The following GALM variants were observed in gnomAD, a reference collection of about 807,000 sequenced individuals.
GALM encodes the protein galactose mutarotase.
Under a neutral mutation model 37.4 loss-of-function variants are expected in GALM, and 43 were observed. The ratio of observed to expected loss-of-function variants is 1.15; its 90% CI spans 0.90 to 1.48. GALM has a LOEUF of 1.48. GALM is among the 40% of genes most tolerant of loss of function. The pLI, the probability that GALM is intolerant of heterozygous loss-of-function variation, is 0.00. For missense variants in GALM, 456 were observed against 419.1 expected (o/e 1.09, Z -0.77); for synonymous variants, 199 against 170.6 (o/e 1.17, Z -1.30).
At chr2:38,672,706 G>A (rs191495793) in intron 1 of GALM, among the ~76,000 whole-genome samples, 2 of 152,204 alleles carry the variant, frequency 1.3e-5, no homozygotes, top group East Asian at 3.9e-4. Flanking sequence ...TCATAGAAAC[G>A]TTCTGAGTAT....
chr2:38,677,993 A>C, intron 2 of GALM, among the ~76,000 whole-genome samples: 1 of 148,332 alleles, frequency 6.7e-6, no homozygotes, highest in South Asian at 2.2e-4. Flanking sequence ...TGGCCCTGAG[A>C]GGGGTGGGGA....
At chr2:38,711,783 C>A (rs199974813) in intron 4 of GALM, among the ~76,000 whole-genome samples, 36 of 62,536 alleles carry the variant, frequency 5.8e-4, no homozygotes, top group South Asian at 1.7e-3. Flanking sequence ...CCATCACTGT[C>A]ACCACCATCA....
rs377121126 is a variant in GALM, at chr2:38,731,787, G to A, written c.829G>A (p.Gly277Arg). Residue 277 changes from glycine to arginine, a missense_variant, in exon 6 of 7, where the codon GGG becomes AGG. Physicochemically the swap from Gly to Arg is moderately radical, Grantham distance 125. Coordinates refer to ENST00000272252, the MANE Select transcript of GALM (RefSeq NM_138801.3). ...RVLEVYTTQP[G>R]VQFYTGNFLD... ...ACTAGAAGTATACACCACCCAGCCC[G>A]GGGTCCAGTTTTACACGGGCAACTT... 16 of 1,613,874 alleles carry A rather than the reference G, an allele frequency of 9.9e-6. No homozygotes were observed. Among genetic ancestry groups the A allele is most frequent in the African/African-American group, 2.7e-5 (2 of 74,888 alleles).
At chr2:38,697,056 C>G (rs190882902) in intron 4 of GALM, among the ~76,000 whole-genome samples, 1 of 152,100 alleles carries the variant, frequency 6.6e-6, no homozygotes, top group Non-Finnish European at 1.5e-5. Flanking sequence ...TCCCAAAGTG[C>G]TGGGATTATG....
chr2:38,691,561 G>A (rs1665671835), intron 4 of GALM, among the ~76,000 whole-genome samples: 1 of 151,796 alleles, frequency 6.6e-6, no homozygotes, highest in South Asian at 2.1e-4. Context: ...ACACGCACCT[G>A]GGGTCCCAGC....
chr2:38,688,211 CAA>C (rs767245322), intron 3 of GALM, among the ~76,000 whole-genome samples: 6 of 124,614 alleles, frequency 4.8e-5, no homozygotes, highest in Non-Finnish European at 5.1e-5. Flanking sequence ...GACTCCGTCT[CAA>C]AAAAAAAAAA....
intron 3 of GALM, among the ~76,000 whole-genome samples, chr2:38,683,448 T>C (rs1665446190): frequency 6.6e-6 from 1 of 152,214 alleles, no homozygotes; most frequent in Non-Finnish European, 1.5e-5. Context: ...TTATATATAC[T>C]TATTTGTTCA....
At chr2:38,673,872 A>T (rs1186952079) in intron 1 of GALM, among the ~76,000 whole-genome samples, 1 of 152,052 alleles carries the variant, frequency 6.6e-6, no homozygotes, top group Non-Finnish European at 1.5e-5. Flanking sequence ...ATGTCATGAC[A>T]TGGAGCAATC....
intron 4 of GALM, among the ~76,000 whole-genome samples, chr2:38,710,274 G>A (rs1488810463): frequency 1.3e-5 from 2 of 152,196 alleles, no homozygotes; most frequent in African/African-American, 4.8e-5. Flanking sequence ...CACACTTGGA[G>A]GAGCTATTTA....
In GALM at chr2:38,731,861, C is replaced by T; in HGVS notation, c.903C>T (p.His301=). ...KGKNGAVYPK[H]SGFCLETQNW... is the part of the protein sequence containing the mutation. ...AGAATGGAGCTGTCTATCCCAAGCACTCCGGTTTCTGCCTGGAGACTCAGA... is the reference window on the plus strand; with the variant it reads ...AGAATGGAGCTGTCTATCCCAAGCATTCCGGTTTCTGCCTGGAGACTCAGA... Residue 301 remains histidine, a synonymous_variant, in exon 6 of 7, where the codon CAC becomes CAT. Transcript: ENST00000272252. 3 of 1,614,182 alleles carry T rather than the reference C, an allele frequency of 1.9e-6. No individual in the cohort carries two copies. The highest frequency in any genetic ancestry group is 2.5e-6 in the Non-Finnish European group (3 of 1,180,022).
In GALM at chr2:38,733,624, G is replaced by A. The variant is rs567379441; in HGVS notation, c.*59G>A. On this transcript the variant is annotated 3_prime_UTR_variant, in exon 7 of 7. Transcript: ENST00000272252. ...GGCTCAGCCACCTGTCTCCTGTCCAGAAAAAAGGTGAAGATTAAGAAGCTT... is the reference window on the plus strand; with the variant it reads ...GGCTCAGCCACCTGTCTCCTGTCCAAAAAAAAGGTGAAGATTAAGAAGCTT... The A allele has an allele frequency of 5.9e-6, 7 of 1,191,596 alleles. No individual in the cohort carries two copies. The African/African-American group carries it at 1.1e-4, about 18-fold the overall frequency. 73.8% of individuals were successfully genotyped at this position (1,191,596 alleles called of 1,614,324 possible).
intron 4 of GALM, among the ~76,000 whole-genome samples, chr2:38,706,057 G>A (rs1262377165): frequency 2.0e-5 from 3 of 151,740 alleles, no homozygotes; most frequent in Non-Finnish European, 4.4e-5. Context: ...CCAAGCTGGA[G>A]TGCAGTGACA....
chr2:38,710,982 G>C (rs1666140174), intron 4 of GALM, among the ~76,000 whole-genome samples: 1 of 151,820 alleles, frequency 6.6e-6, no homozygotes, highest in Non-Finnish European at 1.5e-5. Flanking sequence ...TTGAACTTCT[G>C]ACTTTAGGCG....
chr2:38,669,228 G>T lies in GALM; in HGVS notation c.190+2877G>T, dbSNP rs535210997. The T allele has an allele frequency of 2.0e-5, 3 of 152,348 alleles. No homozygotes were observed. In the East Asian group the frequency reaches 5.8e-4, roughly 29 times the overall value. 9.4% of individuals were successfully genotyped at this position (152,348 alleles called of 1,614,324 possible). A position where few individuals can be genotyped will look rare whatever the true frequency, so the allele number is the denominator to read the frequency against. On this transcript the variant is annotated intron_variant, in intron 1 of 6. Transcript: ENST00000272252. ...AGCCCGGCACTACGCCATGGGCCTG[G>T]TAGTTAAAGATCGACCCCTGACCTA...
chr2:38,689,832 A>G lies in GALM; in HGVS notation c.572A>G (p.Asp191Gly). The G allele has an allele frequency of 1.2e-6, 2 of 1,608,108 alleles. No individual in the cohort carries two copies. Among genetic ancestry groups the G allele is most frequent in the Non-Finnish European group, 8.5e-7 (1 of 1,175,442 alleles). The change falls in exon 4 of 7, where the codon GAC (aspartate) becomes GGC (glycine). Residue 191 changes from aspartate (D) to glycine (G), a missense_variant. Coordinates refer to ENST00000272252, the MANE Select transcript of GALM (RefSeq NM_138801.3). ...LAGQASPNIN[D>G]HEVTIEADTY... The stretch of plus-strand genomic sequence containing the variant: ...TCCCAGGCTTCCCCAAATATAAATG[A>G]CCATGAAGTCACCATAGAAGCGGAT...
At chr2:38,719,740 C>T (rs192846104) in intron 4 of GALM, among the ~76,000 whole-genome samples, 2 of 149,944 alleles carry the variant, frequency 1.3e-5, no homozygotes, top group East Asian at 4.0e-4. Flanking sequence ...CGCCATTGCA[C>T]TCCAGCCTGG....
At chr2:38,681,537 G>C in intron 3 of GALM, 51 bp downstream of exon 3, 1 of 1,461,554 alleles carries the variant, frequency 6.8e-7, no homozygotes, top group Non-Finnish European at 9.6e-7. Flanking sequence ...GGAATGTCCT[G>C]GGCTGTGGCT....
intron 4 of GALM, chr2:38,698,306 C>A: frequency 3.6e-6 from 3 of 825,390 alleles, no homozygotes; most frequent in Non-Finnish European, 5.4e-6. Flanking sequence ...TAGGAGTCAG[C>A]AGTGGTGTAT....
chr2:38,691,750 A>G (rs1002297997), intron 4 of GALM, among the ~76,000 whole-genome samples: 1 of 150,776 alleles, frequency 6.6e-6, no homozygotes, highest in African/African-American at 2.4e-5. Context: ...AAAAAAGACC[A>G]AACTACCATT....
Sources: allele counts gnomAD v4.1 joint callset (sites outside exome capture counted in the v4.1 genomes callset), GRCh38; gene constraint gnomAD v4.1.1; transcripts MANE v1.5; gene names NCBI Gene and HGNC (gene_info 2026-07-23, HGNC 2026-07-21).